MIGA1: variants seen among roughly 807,000 people sequenced by gnomAD.
The protein encoded by MIGA1 is mitoguardin 1, also known as family with sequence similarity 73, member A.
In MIGA1, 58 loss-of-function variants were observed where a neutral mutation model predicts 82.0. The observed-to-expected ratio is 0.71, with a 90% CI of 0.57 to 0.88. The LOEUF (loss-of-function observed/expected upper bound fraction) is 0.88. Ranked by LOEUF, MIGA1 falls within the 40% of genes least tolerant of loss-of-function variation. The pLI, the probability that MIGA1 is intolerant of heterozygous loss-of-function variation, is 0.00. For synonymous variants in MIGA1, 249 were observed against 253.6 expected, an observed-to-expected ratio of 0.98 and a Z score of 0.17; for missense variants, 751 against 749.1, an observed-to-expected ratio of 1.00 and a Z score of -0.03.
rs115301342 is a variant in MIGA1 at position 77,804,097 on chromosome 1, A to C, written c.510+691A>C. The stretch of plus-strand genomic sequence containing the variant: ...TAAAATTAAAAAGAGTTATTAATTT[A>C]AAAGAATTAGCTGTTCTTCAAGAAG... On this transcript the variant is annotated intron_variant, in intron 4 of 15. Coordinates refer to ENST00000370791, the MANE Select transcript of MIGA1 (RefSeq NM_198549.4). Among the ~76,000 whole-genome samples, 448 of 152,306 alleles carry C rather than the reference A, an allele frequency of 2.9e-3. 4 individuals carry two copies. Among genetic ancestry groups the C allele is most frequent in the African/African-American group, 0.01 (431 of 41,576 alleles).
intron 7 of MIGA1, among the ~76,000 whole-genome samples, chr1:77,837,862 G>T (rs1177184695): frequency 1.3e-5 from 2 of 152,034 alleles, no homozygotes; most frequent in East Asian, 1.9e-4. Flanking sequence ...TTCACTACAG[G>T]GTACAAATAA....
chr1:77,779,880 GCGGCGGAAAGCCAGAGGGTCTA>G, intron 1 of MIGA1, 144 bp downstream of exon 1: 1 of 1,425,522 alleles, frequency 7.0e-7, no homozygotes, highest in Non-Finnish European at 9.1e-7. Context: ...GCCAGGTGGA[GCGGCGGAAAGCCAGAGGGTCTA>G]CGGCCGTGCC....
chr1:77,802,066 C>A (rs1227148617), intron 3 of MIGA1, among the ~76,000 whole-genome samples: 1 of 152,052 alleles, frequency 6.6e-6, no homozygotes, highest in East Asian at 1.9e-4. Context: ...AAGTAAGTTG[C>A]TGTCTTTTAA....
At chr1:77,856,219 G>T (rs1181410177) in intron 8 of MIGA1, among the ~76,000 whole-genome samples, 1 of 152,126 alleles carries the variant, frequency 6.6e-6, no homozygotes, top group Non-Finnish European at 1.5e-5. Flanking sequence ...ATGTTAAACT[G>T]TCCCTGCATC....
chr1:77,804,891 T>C (rs1683029145), intron 4 of MIGA1, among the ~76,000 whole-genome samples: 1 of 152,034 alleles, frequency 6.6e-6, no homozygotes, highest in African/African-American at 2.4e-5. Flanking sequence ...CCTCCCAAAC[T>C]GCTAGGATTA....
intron 7 of MIGA1, among the ~76,000 whole-genome samples, chr1:77,833,840 A>AG (rs549357330): frequency 4.9e-4 from 75 of 152,312 alleles, no homozygotes; most frequent in African/African-American, 1.8e-3. Context: ...TTTAAACAAA[A>AG]GGGGGGAGGG....
intron 7 of MIGA1, among the ~76,000 whole-genome samples, chr1:77,832,248 C>T (rs1684270288): frequency 6.6e-6 from 1 of 152,208 alleles, no homozygotes; most frequent in Non-Finnish European, 1.5e-5. Flanking sequence ...AGTGTTTAGG[C>T]ATCTTCCTAA....
intron 8 of MIGA1, among the ~76,000 whole-genome samples, chr1:77,854,353 T>C (rs983065014): frequency 3.3e-5 from 5 of 152,246 alleles, no homozygotes; most frequent in African/African-American, 1.2e-4. Flanking sequence ...ACTGTGTTGC[T>C]ATAAACATGC....
chr1:77,858,121 A>G (rs555285146), intron 8 of MIGA1, among the ~76,000 whole-genome samples: 16 of 152,300 alleles, frequency 1.1e-4, no homozygotes, highest in Non-Finnish European at 2.1e-4. Flanking sequence ...AGGCTGAGGC[A>G]GGCGGATCAC....
At chr1:77,803,519 A>C (rs1274423772) in intron 4 of MIGA1, 113 bp downstream of exon 4, 1 of 451,720 alleles carries the variant, frequency 2.2e-6, no homozygotes, top group Non-Finnish European at 3.7e-6. Flanking sequence ...CTCTTAAGAA[A>C]TCGTCTGAAT....
At position 77,817,955 on chromosome 1, in the gene MIGA1, A is replaced by ATTT. The variant is rs10676009; in HGVS notation, c.895+2742_895+2744dup. Among the ~76,000 whole-genome samples, 654 of 115,566 alleles carry ATTT rather than the reference A, an allele frequency of 5.7e-3. 14 individuals carry two copies. Among genetic ancestry groups the ATTT allele is most frequent in the Non-Finnish European group, 7.7e-3 (447 of 57,808 alleles). The allele number at this position is 115,566 out of a possible 152,430, so 75.8% of individuals were successfully genotyped here. ...TCTGGTAGGATTTCAAGATTGGAAG[A>ATTT]TTTTTTTTTTTTTTTTTTTTGCAGC... On this transcript the variant is annotated intron_variant, in intron 7 of 15. Coordinates refer to ENST00000370791, the MANE Select transcript of MIGA1 (RefSeq NM_198549.4).
intron 7 of MIGA1, 32 bp downstream of exon 7, chr1:77,815,263 A>G: frequency 6.6e-7 from 1 of 1,505,184 alleles, no homozygotes; most frequent in South Asian, 1.3e-5. Flanking sequence ...GCTTTTATGA[A>G]ATGTTTACTT....
chr1:77,851,876 C>CTTTT (rs374230686), intron 8 of MIGA1, among the ~76,000 whole-genome samples: 10 of 120,364 alleles, frequency 8.3e-5, no homozygotes, highest in South Asian at 2.5e-4. Flanking sequence ...AGTTTTCTTT[C>CTTTT]TTTTTTTTTT....
At chr1:77,815,505 T>C (rs1683539039) in intron 7 of MIGA1, among the ~76,000 whole-genome samples, 1 of 151,860 alleles carries the variant, frequency 6.6e-6, no homozygotes, top group East Asian at 1.9e-4. Context: ...TAGTTAAGAG[T>C]GTTGGAGGGA....
At chr1:77,799,535 C>G (rs1570932488) in intron 2 of MIGA1, among the ~76,000 whole-genome samples, 1 of 152,146 alleles carries the variant, frequency 6.6e-6, no homozygotes, top group East Asian at 1.9e-4. Flanking sequence ...TAGGACGTAT[C>G]CTCATTGTGA....
intron 2 of MIGA1, among the ~76,000 whole-genome samples, chr1:77,788,710 C>T (rs913768239): frequency 1.3e-5 from 2 of 152,178 alleles, no homozygotes; most frequent in African/African-American, 4.8e-5. Flanking sequence ...CCATTTCCGA[C>T]TGAATGGTCT....
In MIGA1 at chr1:77,790,633, AG is replaced by A. The variant is rs1682376773; in HGVS notation, c.195+7284del. 4.1e-5 allele frequency among the ~76,000 whole-genome samples: 6 copies of A among 147,566 alleles called. No homozygotes were observed. The South Asian group carries it at 1.3e-3, about 32-fold the overall frequency. ...AGAGTTTTGCTCCTGTTGCCCAGGT[AG>A]GAGTGCAATGGTGCGATCTTGGCTC... On this transcript the variant is annotated intron_variant, in intron 2 of 15. Coordinates refer to ENST00000370791, the MANE Select transcript of MIGA1 (RefSeq NM_198549.4).
chr1:77,818,343 G>C (rs1184296497), intron 7 of MIGA1, among the ~76,000 whole-genome samples: 2 of 151,820 alleles, frequency 1.3e-5, no homozygotes, highest in Non-Finnish European at 2.9e-5. Flanking sequence ...GGCTGGTCTC[G>C]AACTCCTGAC....
In MIGA1 at chr1:77,800,498, A is replaced by G. The variant is rs149325020; in HGVS notation, c.196-833A>G. Among the ~76,000 whole-genome samples, 34 of 152,314 alleles carry G rather than the reference A, an allele frequency of 2.2e-4. 1 individual carries two copies. The highest frequency in any genetic ancestry group is 7.7e-4 in the African/African-American group (32 of 41,580). ...TTGTTGTTGGAGGGTTGAAAGTGAC[A>G]TTCTTTCCAGCTCTCAACATTCCAA... On this transcript the variant is annotated intron_variant, in intron 2 of 15. Transcript: ENST00000370791.
Sources: gnomAD v4.1 joint callset for allele counts (sites outside exome capture counted in the v4.1 genomes callset) on GRCh38, gnomAD v4.1.1 for gene constraint, MANE v1.5 for transcripts, NCBI Gene and HGNC (gene_info 2026-07-23, HGNC 2026-07-21) for gene names.